LUZP2: variants seen among roughly 807,000 people sequenced by gnomAD.
LUZP2 encodes leucine zipper protein 2.
Under a neutral mutation model 51.6 loss-of-function variants are expected in LUZP2, and 52 were observed. The ratio of observed to expected loss-of-function variants is 1.01; its 90% CI spans 0.81 to 1.27. LUZP2 has a LOEUF of 1.27. Among genes scored for constraint, LUZP2 ranks in the 50% most tolerant of loss-of-function variants. The probability of loss-of-function intolerance (pLI) is 0.00; values close to 1 mark genes in which losing one functional copy is unlikely to be tolerated. For missense variants in LUZP2, 436 were observed against 395.4 expected, an observed-to-expected ratio of 1.10 and a Z score of -0.87; for synonymous variants, 154 against 137.3, an observed-to-expected ratio of 1.12 and a Z score of -0.85.
intron 1 of LUZP2, among the ~76,000 whole-genome samples, chr11:24,574,912 T>G (rs150993012): frequency 3.3e-4 from 51 of 152,256 alleles, no homozygotes; most frequent in African/African-American, 1.1e-3. Context: ...TGTAAAGTAA[T>G]CCTCTTAAGG....
intron 5 of LUZP2, among the ~76,000 whole-genome samples, chr11:24,865,606 C>G (rs112719405): frequency 0.015 from 2,257 of 152,140 alleles, 26 homozygotes; most frequent in Admixed American, 0.023. Context: ...CTGTCTCACT[C>G]CCTCTCTCAT....
Position 24,826,190 on chromosome 11 carries a change from A to AAAAAT in LUZP2, c.396+62883_396+62884insAAATA, listed in dbSNP as rs1215786412. Among the ~76,000 whole-genome samples, 12 of 67,552 alleles carry AAAAAT rather than the reference A, an allele frequency of 1.8e-4. 1 individual carries two copies. The highest frequency in any genetic ancestry group is 6.5e-4 in the African/African-American group (11 of 16,990). 44.3% of individuals were successfully genotyped at this position (67,552 alleles called of 152,430 possible). A position where few individuals can be genotyped will look rare whatever the true frequency, so the allele number is the denominator to read the frequency against. On this transcript the variant is annotated intron_variant, in intron 5 of 11. Coordinates refer to ENST00000336930, the MANE Select transcript of LUZP2 (RefSeq NM_001009909.4). ...GACTCCATCTCAAAAAAAAAAAAAA[A>AAAAAT]ATATATATATATATATATAGTAAAA...
chr11:24,724,458 G>A (rs893760491), intron 1 of LUZP2, among the ~76,000 whole-genome samples: 1 of 152,090 alleles, frequency 6.6e-6, no homozygotes, highest in Admixed American at 6.6e-5. Flanking sequence ...TATCGTCCCA[G>A]CTAACTGAGA....
At chr11:24,653,380 C>T (rs1312502231) in intron 1 of LUZP2, among the ~76,000 whole-genome samples, 2 of 151,940 alleles carry the variant, frequency 1.3e-5, no homozygotes, top group Non-Finnish European at 2.9e-5. Context: ...CATTATACCC[C>T]CAAAAACAGG....
chr11:24,648,055 G>A (rs1256366952), intron 1 of LUZP2, among the ~76,000 whole-genome samples: 1 of 151,786 alleles, frequency 6.6e-6, no homozygotes, highest in Non-Finnish European at 1.5e-5. Flanking sequence ...CCTCTAGCAT[G>A]ACTTTAATTC....
chr11:24,784,828 T>C (rs1424223736), intron 5 of LUZP2, among the ~76,000 whole-genome samples: 3 of 152,094 alleles, frequency 2.0e-5, no homozygotes, highest in South Asian at 2.1e-4. Flanking sequence ...GGAACATATA[T>C]TGTATATGAT....
rs564886946 is a variant in LUZP2, at chr11:24,984,818, T to C, written c.765+1525T>C. Among the ~76,000 whole-genome samples the C allele has an allele frequency of 5.3e-5, 8 of 151,442 alleles. No individual in the cohort carries two copies. In the East Asian group the frequency reaches 1.6e-3, roughly 30 times the overall value. The stretch of plus-strand genomic sequence containing the variant: ...GTTTCTCTCTGAGTGAATTATTTCT[T>C]ACCCTCCCAGTTAGAATTATTTTTT... On this transcript the variant is annotated intron_variant, in intron 9 of 11. Coordinates refer to ENST00000336930, the MANE Select transcript of LUZP2 (RefSeq NM_001009909.4).
intron 5 of LUZP2, among the ~76,000 whole-genome samples, chr11:24,862,682 T>C (rs1403696076): frequency 4.6e-5 from 7 of 152,152 alleles, no homozygotes; most frequent in Admixed American, 3.3e-4. Context: ...AATTATGGGA[T>C]GGAGGACAAT....
intron 1 of LUZP2, among the ~76,000 whole-genome samples, chr11:24,528,196 A>G (rs1191832640): frequency 6.6e-6 from 1 of 151,284 alleles, no homozygotes; most frequent in African/African-American, 2.4e-5. Flanking sequence ...AGCATGTTTC[A>G]AGGGTTACTA....
chr11:25,008,451 A>C (rs75155267), intron 9 of LUZP2, among the ~76,000 whole-genome samples: 1,869 of 152,214 alleles, frequency 0.012, 45 homozygotes, highest in African/African-American at 0.043. Flanking sequence ...TGTTTGTGTT[A>C]CAGCTTGTTT....
At chr11:24,908,007 G>C (rs1278833148) in intron 6 of LUZP2, among the ~76,000 whole-genome samples, 1 of 151,908 alleles carries the variant, frequency 6.6e-6, no homozygotes, top group Non-Finnish European at 1.5e-5. Context: ...CTCGGTAATG[G>C]GGCAGGCATG....
intron 6 of LUZP2, among the ~76,000 whole-genome samples, chr11:24,912,085 C>T (rs1853652052): frequency 6.6e-6 from 1 of 151,800 alleles, no homozygotes; most frequent in African/African-American, 2.4e-5. Context: ...CTTAACTTAC[C>T]CTTCCTTTCG....
At chr11:24,811,373 CAT>C (rs1374805103) in intron 5 of LUZP2, among the ~76,000 whole-genome samples, 1 of 152,150 alleles carries the variant, frequency 6.6e-6, no homozygotes, top group Non-Finnish European at 1.5e-5. Context: ...TGAAATATAA[CAT>C]ATCCAAACTG....
intron 5 of LUZP2, among the ~76,000 whole-genome samples, chr11:24,857,774 C>T (rs1189715588): frequency 6.6e-6 from 1 of 151,912 alleles, no homozygotes; most frequent in African/African-American, 2.4e-5. Context: ...CCAGCCACCT[C>T]CACCCCTGAT....
intron 5 of LUZP2, among the ~76,000 whole-genome samples, chr11:24,841,292 A>C (rs1851024492): frequency 6.6e-6 from 1 of 152,108 alleles, no homozygotes; most frequent in Non-Finnish European, 1.5e-5. Context: ...GTGGCTGCCT[A>C]CAAGCAAAAA....
chr11:25,050,180 C>A (rs376391414), intron 10 of LUZP2, 50 bp downstream of exon 10: 2 of 1,108,160 alleles, frequency 1.8e-6, no homozygotes, highest in African/African-American at 1.6e-5. Context: ...GAGAAAAAAG[C>A]ACAAGCATTT....
At chr11:24,885,930 A>C (rs1345577689) in intron 5 of LUZP2, among the ~76,000 whole-genome samples, 1 of 152,208 alleles carries the variant, frequency 6.6e-6, no homozygotes, top group Non-Finnish European at 1.5e-5. Flanking sequence ...CAAATATTTG[A>C]GCAGCTGTAA....
intron 1 of LUZP2, among the ~76,000 whole-genome samples, chr11:24,523,580 T>C (rs1169882138): frequency 1.3e-5 from 2 of 150,936 alleles, no homozygotes; most frequent in East Asian, 1.9e-4. Flanking sequence ...TATACATTGG[T>C]AATGGTTCTC....
At chr11:24,837,359 CAGAT>C (rs530542573) in intron 5 of LUZP2, among the ~76,000 whole-genome samples, 138 of 151,666 alleles carry the variant, frequency 9.1e-4, no homozygotes, top group African/African-American at 3.3e-3. Flanking sequence ...AGCCTCTGAA[CAGAT>C]AGAACCCAAT....
Sources: allele counts gnomAD v4.1 joint callset (sites outside exome capture counted in the v4.1 genomes callset), GRCh38; gene constraint gnomAD v4.1.1; transcripts MANE v1.5; gene names NCBI Gene and HGNC (gene_info 2026-07-23, HGNC 2026-07-21).